RIMKLB: variants seen among roughly 807,000 people sequenced by gnomAD.
RIMKLB encodes beta-citrylglutamate synthase B.
Under a neutral mutation model 32.0 loss-of-function variants are expected in RIMKLB, and 7 were observed. The ratio of observed to expected loss-of-function variants is 0.22; its 90% CI spans 0.12 to 0.41. The LOEUF is 0.41. Ranked by LOEUF, RIMKLB falls within the 10% of genes least tolerant of loss-of-function variation. The pLI, the probability that RIMKLB is intolerant of heterozygous loss-of-function variation, is 1.00. For synonymous variants in RIMKLB, 172 were observed against 185.1 expected, an observed-to-expected ratio of 0.93 and a Z score of 0.57; for missense variants, 289 against 498.7, an observed-to-expected ratio of 0.58 and a Z score of 4.00.
chr12:8,720,461 CTAG>C (rs1359342321), intron 2 of RIMKLB, among the ~76,000 whole-genome samples: 1 of 152,108 alleles, frequency 6.6e-6, no homozygotes, highest in East Asian at 1.9e-4. Flanking sequence ...GCTCAGGAGT[CTAG>C]TAGAATTAAA....
intron 5 of RIMKLB, among the ~76,000 whole-genome samples, chr12:8,755,532 G>A (rs1172646519): frequency 6.6e-6 from 1 of 152,090 alleles, no homozygotes; most frequent in East Asian, 1.9e-4. Flanking sequence ...TACTCAGAAT[G>A]TTTCCAAATC....
chr12:8,750,239 AT>A, intron 3 of RIMKLB, 147 bp downstream of exon 3: 2 of 531,246 alleles, frequency 3.8e-6, no homozygotes, highest in Non-Finnish European at 6.6e-6. Context: ...ATATCTTAAG[AT>A]TTGTTTCATA....
intron 5 of RIMKLB, 65 bp from the exon 6 acceptor site, chr12:8,773,256 C>A: frequency 8.4e-7 from 1 of 1,190,472 alleles, no homozygotes; most frequent in Non-Finnish European, 1.2e-6. Flanking sequence ...GCCTTGGAGG[C>A]CAACTTTAAT....
upstream of RIMKLB, chr12:8,697,344 C>T (rs1942927489): frequency 6.6e-6 from 1 of 152,324 alleles, no homozygotes; most frequent in African/African-American, 2.4e-5. Flanking sequence ...TATGAATGAT[C>T]TTTGTCTCCA....
chr12:8,706,464 T>C (rs1050873283), intron 1 of RIMKLB, among the ~76,000 whole-genome samples: 16 of 147,636 alleles, frequency 1.1e-4, no homozygotes, highest in South Asian at 4.3e-4. Context: ...TTTTTTTTTT[T>C]CCTGAGACTG....
Position 8,717,765 on chromosome 12 carries a change from G to A in RIMKLB, c.175+3724G>A, listed in dbSNP as rs143031058. ...TAAACTCATCTTCTAACGTACTGTA[G>A]TCAAATTAATCTCTCGGAATTATGG... On this transcript the variant is annotated intron_variant, in intron 2 of 5. Transcript: ENST00000535829. Among the ~76,000 whole-genome samples the A allele has an allele frequency of 2.0e-3, 298 of 152,230 alleles. 1 individual carries two copies. The highest frequency in any genetic ancestry group is 6.9e-3 in the African/African-American group (286 of 41,504).
chr12:8,769,267 T>C (rs1950215876), intron 5 of RIMKLB, among the ~76,000 whole-genome samples: 1 of 151,656 alleles, frequency 6.6e-6, no homozygotes, highest in African/African-American at 2.4e-5. Flanking sequence ...GAATGTGGCC[T>C]GTAACATTTT....
At chr12:8,709,468 C>G (rs938562679) in intron 1 of RIMKLB, among the ~76,000 whole-genome samples, 1 of 152,260 alleles carries the variant, frequency 6.6e-6, no homozygotes, top group African/African-American at 2.4e-5. Flanking sequence ...CAGAAGCAGG[C>G]AGGCACGCCT....
At chr12:8,756,172 T>A (rs1949007473) in intron 5 of RIMKLB, among the ~76,000 whole-genome samples, 1 of 140,192 alleles carries the variant, frequency 7.1e-6, no homozygotes, top group Non-Finnish European at 1.6e-5. Context: ...AAAAAAAAAA[T>A]TAGCTGGGCA....
At chr12:8,751,337 T>G (rs930622424) in intron 3 of RIMKLB, among the ~76,000 whole-genome samples, 1 of 152,266 alleles carries the variant, frequency 6.6e-6, no homozygotes, top group Non-Finnish European at 1.5e-5. Flanking sequence ...AGCTTTTCTC[T>G]CTAATCATGC....
chr12:8,701,740 C>A (rs1372438588), intron 1 of RIMKLB, among the ~76,000 whole-genome samples: 1 of 150,994 alleles, frequency 6.6e-6, no homozygotes, highest in Admixed American at 6.6e-5. Flanking sequence ...TGCGGTGGCT[C>A]ACACCTGTAA....
At chr12:8,770,810 C>G (rs147909602) in intron 5 of RIMKLB, among the ~76,000 whole-genome samples, 1 of 152,288 alleles carries the variant, frequency 6.6e-6, no homozygotes, top group Non-Finnish European at 1.5e-5. Context: ...TCCCACCTCA[C>G]CCCCTTCAGA....
At chr12:8,744,138 A>G (rs1947855165) in intron 2 of RIMKLB, among the ~76,000 whole-genome samples, 1 of 151,960 alleles carries the variant, frequency 6.6e-6, no homozygotes, top group Non-Finnish European at 1.5e-5. Context: ...GGCATGAGTG[A>G]TATTTGGTGA....
intron 2 of RIMKLB, among the ~76,000 whole-genome samples, chr12:8,721,400 T>G (rs1210338105): frequency 6.6e-6 from 1 of 152,254 alleles, no homozygotes; most frequent in African/African-American, 2.4e-5. Flanking sequence ...TGCTGCTGCT[T>G]TGTCAACTCA....
At chr12:8,718,078 T>C (rs1390036925) in intron 2 of RIMKLB, among the ~76,000 whole-genome samples, 2 of 152,112 alleles carry the variant, frequency 1.3e-5, no homozygotes, top group Admixed American at 1.3e-4. Flanking sequence ...CGGTAGCAAG[T>C]GTGCTGATTT....
Position 8,754,000 on chromosome 12 carries a change from C to CG in RIMKLB, c.607dup (p.Asp203GlyfsTer41). The CG allele has an allele frequency of 6.2e-7, 1 of 1,613,850 alleles. No individual in the cohort carries two copies. Among genetic ancestry groups the CG allele is most frequent in the Non-Finnish European group, 8.5e-7 (1 of 1,179,822 alleles). ...GAAGTATGTTAAAGAGTCTCATGGA[C>CG]GGGATGTACGTGTCATTGTCGTGGG... On this transcript the variant is annotated frameshift_variant, in exon 5 of 6. Coordinates refer to ENST00000535829, the MANE Select transcript of RIMKLB (RefSeq NM_001297776.2). LOFTEE classifies it high-confidence loss of function.
intron 2 of RIMKLB, among the ~76,000 whole-genome samples, chr12:8,725,518 A>C (rs189900798): frequency 1.3e-5 from 2 of 152,170 alleles, no homozygotes; most frequent in South Asian, 2.1e-4. Flanking sequence ...AGGATGCTCT[A>C]CTTTCAAGTC....
the RIMKLB span, among the ~76,000 whole-genome samples, chr12:8,676,509 C>T: frequency 1.4e-5 from 2 of 144,656 alleles, no homozygotes; most frequent in Non-Finnish European, 3.0e-5. Context: ...AGTGATTCTC[C>T]TGCCTCAGCC....
At chr12:8,778,557 A>G (rs1439611484), downstream of RIMKLB, among the ~76,000 whole-genome samples, 1 of 152,218 alleles carries the variant, frequency 6.6e-6, no homozygotes, top group African/African-American at 2.4e-5. Flanking sequence ...ACATTAACCA[A>G]GGACATAAAA....
Sources: allele counts gnomAD v4.1 joint callset (sites outside exome capture counted in the v4.1 genomes callset), GRCh38; gene constraint gnomAD v4.1.1; transcripts MANE v1.5; gene names NCBI Gene and HGNC (gene_info 2026-07-23, HGNC 2026-07-21).